Variants in SUGCT observed in about 807,000 individuals in gnomAD.
SUGCT encodes the protein succinyl-CoA:glutarate CoA-transferase.
SUGCT carries 41 observed loss-of-function variants against 55.0 expected under a neutral mutation model. The ratio of observed to expected loss-of-function variants is 0.74; its 90% CI spans 0.58 to 0.97. The LOEUF (loss-of-function observed/expected upper bound fraction) is 0.97, where lower values mean the gene tolerates loss of function less well. Among genes scored for constraint, SUGCT ranks in the 50% least tolerant of loss-of-function variants. The pLI, the probability that SUGCT is intolerant of heterozygous loss-of-function variation, is 0.00. For missense variants in SUGCT, 568 were observed against 547.8 expected (o/e 1.04, Z -0.37); for synonymous variants, 187 against 200.4 (o/e 0.93, Z 0.56).
At chr7:40,963,088 C>T in the SUGCT span, among the ~76,000 whole-genome samples, 1 of 152,164 alleles carries the variant, frequency 6.6e-6, no homozygotes, top group African/African-American at 2.4e-5. Flanking sequence ...TGTACTTTCA[C>T]ATGTTGTCTC....
intron 8 of SUGCT, among the ~76,000 whole-genome samples, chr7:40,302,594 T>C (rs1172909085): frequency 6.6e-6 from 1 of 152,168 alleles, no homozygotes; most frequent in East Asian, 1.9e-4. Context: ...CTCATTTAGA[T>C]TGTTGGCAGA....
the SUGCT span, among the ~76,000 whole-genome samples, chr7:40,992,432 G>T: frequency 4.6e-5 from 7 of 152,146 alleles, no homozygotes; most frequent in East Asian, 1.4e-3. Flanking sequence ...CCTGTATTTT[G>T]TGCTGACTTC....
chr7:40,481,589 C>G (rs1463767197), intron 11 of SUGCT, among the ~76,000 whole-genome samples: 2 of 151,988 alleles, frequency 1.3e-5, no homozygotes, highest in African/African-American at 4.8e-5. Context: ...TAAAAATCAT[C>G]TACACATTTA....
At chr7:40,661,503 A>G (rs1300221869) in intron 12 of SUGCT, among the ~76,000 whole-genome samples, 1 of 152,120 alleles carries the variant, frequency 6.6e-6, no homozygotes, top group Non-Finnish European at 1.5e-5. Context: ...GTGCCACCCC[A>G]TTTCTTGGCT....
rs2151528796 is a variant in SUGCT at position 40,500,766 on chromosome 7, G to A, written c.1089+4380G>A. 1.3e-5 allele frequency among the ~76,000 whole-genome samples: 2 copies of A among 152,084 alleles called. 1 individual carries two copies. Among genetic ancestry groups the A allele is most frequent in the South Asian group, 4.1e-4 (2 of 4,820 alleles). On this transcript the variant is annotated intron_variant, in intron 12 of 13. Coordinates refer to ENST00000335693, the MANE Select transcript of SUGCT (RefSeq NM_001193313.2). ...TAGCACATTTTGGCAAAATATCTGA[G>A]CATCTTATTTTTTAAAAAAGGCCAA...
chr7:40,277,249 C>A (rs1276570201), intron 8 of SUGCT, among the ~76,000 whole-genome samples: 1 of 152,068 alleles, frequency 6.6e-6, no homozygotes, highest in Non-Finnish European at 1.5e-5. Flanking sequence ...GTGATGCGAT[C>A]TCAGCTCACT....
the SUGCT span, among the ~76,000 whole-genome samples, chr7:40,907,558 A>G: frequency 2.0e-5 from 3 of 152,326 alleles, no homozygotes; most frequent in Admixed American, 6.5e-5. Flanking sequence ...TAACGCTCAC[A>G]AAAGACCCTA....
At chr7:40,420,881 TC>T (rs1787273981) in intron 9 of SUGCT, among the ~76,000 whole-genome samples, 9 of 152,158 alleles carry the variant, frequency 5.9e-5, no homozygotes, top group Admixed American at 5.9e-4. Flanking sequence ...TGATAAGGTC[TC>T]TTCTCTGTTC....
the SUGCT span, among the ~76,000 whole-genome samples, chr7:40,892,641 C>A: frequency 6.6e-6 from 1 of 152,102 alleles, no homozygotes; most frequent in African/African-American, 2.4e-5. Flanking sequence ...TCAAGCAATC[C>A]TCCCTCCTCA....
chr7:40,426,878 A>G (rs1787615818), intron 9 of SUGCT, among the ~76,000 whole-genome samples: 3 of 152,114 alleles, frequency 2.0e-5, no homozygotes, highest in Non-Finnish European at 4.4e-5. Context: ...CAGTGTTGCA[A>G]TCATAAGTCA....
At chr7:40,711,956 A>C (rs1158544025) in intron 12 of SUGCT, among the ~76,000 whole-genome samples, 1 of 152,192 alleles carries the variant, frequency 6.6e-6, no homozygotes, top group Non-Finnish European at 1.5e-5. Flanking sequence ...AGAGGTGTTC[A>C]CATCCTCACT....
chr7:40,454,555 A>G (rs997880153), intron 10 of SUGCT, among the ~76,000 whole-genome samples: 2 of 152,212 alleles, frequency 1.3e-5, no homozygotes, highest in African/African-American at 2.4e-5. Flanking sequence ...ACTGCACTCA[A>G]TACTATAGGC....
intron 9 of SUGCT, among the ~76,000 whole-genome samples, chr7:40,420,044 C>T (rs1787222466): frequency 1.3e-5 from 2 of 152,150 alleles, no homozygotes; most frequent in Admixed American, 1.3e-4. Flanking sequence ...AAATCTGAAT[C>T]AGCACTTACT....
the SUGCT span, among the ~76,000 whole-genome samples, chr7:40,899,532 A>G: frequency 2.0e-5 from 3 of 152,144 alleles, no homozygotes; most frequent in Admixed American, 1.3e-4. Flanking sequence ...AAAATACAAC[A>G]ACAAACAAAA....
the SUGCT span, among the ~76,000 whole-genome samples, chr7:40,998,641 A>C: frequency 6.6e-6 from 1 of 152,174 alleles, no homozygotes; most frequent in Non-Finnish European, 1.5e-5. Flanking sequence ...AAAGGTTCTG[A>C]TTTAATCAGC....
intron 12 of SUGCT, among the ~76,000 whole-genome samples, chr7:40,659,322 A>T (rs1039525587): frequency 6.6e-6 from 1 of 152,070 alleles, no homozygotes; most frequent in Non-Finnish European, 1.5e-5. Context: ...GGGCTGGAGG[A>T]TCTGCTTCCA....
intron 12 of SUGCT, among the ~76,000 whole-genome samples, chr7:40,673,731 T>C (rs960104492): frequency 9.8e-5 from 15 of 152,352 alleles, no homozygotes; most frequent in African/African-American, 3.4e-4. Context: ...ATGAGGGGAC[T>C]AACTGCATTA....
chr7:40,267,519 A>C (rs1042485566), intron 7 of SUGCT, among the ~76,000 whole-genome samples: 1 of 152,192 alleles, frequency 6.6e-6, no homozygotes, highest in Non-Finnish European at 1.5e-5. Context: ...ATGTATTTTT[A>C]CTAAAGATTT....
chr7:40,831,080 C>T (rs1435182477), intron 13 of SUGCT, among the ~76,000 whole-genome samples: 1 of 152,118 alleles, frequency 6.6e-6, no homozygotes. Context: ...AGCTTAAGAT[C>T]ATCATTTTTA....
Sources: allele counts gnomAD v4.1 joint callset (sites outside exome capture counted in the v4.1 genomes callset), GRCh38; gene constraint gnomAD v4.1.1; transcripts MANE v1.5; gene names NCBI Gene and HGNC (gene_info 2026-07-23, HGNC 2026-07-21).